ROR1: variants seen among roughly 807,000 people sequenced by gnomAD.
ROR1 encodes ROR family WNT receptor 1.
A neutral mutation model predicts 78.8 loss-of-function variants in ROR1; 19 were observed. The ratio of observed to expected loss-of-function variants is 0.24; its 90% confidence interval spans 0.17 to 0.35. The LOEUF (loss-of-function observed/expected upper bound fraction) is 0.35, where lower values mean the gene tolerates loss of function less well. Among genes scored for constraint, ROR1 ranks in the 10% least tolerant of loss-of-function variants. The pLI is 1.00. For missense variants in ROR1, 917 were observed against 1,177.8 expected (o/e 0.78, Z 3.24); for synonymous variants, 386 against 433.6 (o/e 0.89, Z 1.36).
intron 7 of ROR1, among the ~76,000 whole-genome samples, chr1:64,147,444 T>C (rs1159473486): frequency 3.3e-5 from 5 of 152,092 alleles, no homozygotes; most frequent in African/African-American, 1.2e-4. Context: ...AATATATCCA[T>C]TAAAGGAACA....
chr1:63,857,612 A>T (rs1645156825), intron 1 of ROR1, among the ~76,000 whole-genome samples: 1 of 152,202 alleles, frequency 6.6e-6, no homozygotes, highest in African/African-American at 2.4e-5. Context: ...GAGCACATAA[A>T]AGTGTTTTCT....
chr1:63,956,007 A>T (rs1367345808), intron 1 of ROR1, among the ~76,000 whole-genome samples: 1 of 152,046 alleles, frequency 6.6e-6, no homozygotes, highest in African/African-American at 2.4e-5. Flanking sequence ...GCACCTGGTG[A>T]CTCGCTCTGC....
chr1:63,884,733 T>C (rs1341723793), intron 1 of ROR1, among the ~76,000 whole-genome samples: 1 of 152,138 alleles, frequency 6.6e-6, no homozygotes, highest in East Asian at 1.9e-4. Context: ...CAGGGGATTA[T>C]ACAAATTAAC....
chr1:64,137,639 C>T, intron 5 of ROR1, 143 bp downstream of exon 5: 1 of 681,438 alleles, frequency 1.5e-6, no homozygotes, highest in African/African-American at 1.8e-5. Context: ...GAGACATGAT[C>T]TCTGTGCTCT....
At chr1:64,090,183 A>C (rs1386750829) in intron 4 of ROR1, among the ~76,000 whole-genome samples, 1 of 152,214 alleles carries the variant, frequency 6.6e-6, no homozygotes, top group Non-Finnish European at 1.5e-5. Context: ...ATTGAAGAGA[A>C]AAAGCCTATT....
chr1:64,021,980 A>C (rs1308102135), intron 2 of ROR1, among the ~76,000 whole-genome samples: 1 of 152,220 alleles, frequency 6.6e-6, no homozygotes, highest in Non-Finnish European at 1.5e-5. Context: ...TAGCCAAAAG[A>C]TGGAAGCAGC....
At chr1:63,921,316 C>T (rs1293620071) in intron 1 of ROR1, among the ~76,000 whole-genome samples, 2 of 152,086 alleles carry the variant, frequency 1.3e-5, no homozygotes, top group Admixed American at 6.5e-5. Flanking sequence ...GTGGTGGAGC[C>T]TGCGAGTTTG....
At chr1:63,902,315 A>G (rs867830341) in intron 1 of ROR1, among the ~76,000 whole-genome samples, 7 of 152,018 alleles carry the variant, frequency 4.6e-5, no homozygotes, top group Admixed American at 4.6e-4. Flanking sequence ...CTAGTAGACA[A>G]TAACAGACCT....
At chr1:64,004,739 T>A (rs953689889) in intron 1 of ROR1, among the ~76,000 whole-genome samples, 1 of 152,176 alleles carries the variant, frequency 6.6e-6, no homozygotes, top group Non-Finnish European at 1.5e-5. Context: ...CACAGGCTTT[T>A]ATCAATGAGG....
At chr1:63,976,155 A>G (rs1346880355) in intron 1 of ROR1, among the ~76,000 whole-genome samples, 1 of 152,220 alleles carries the variant, frequency 6.6e-6, no homozygotes, top group Non-Finnish European at 1.5e-5. Context: ...ACTAGTGGTA[A>G]AGCTAGCAAA....
At chr1:64,144,960 A>G (rs1649435608) in intron 7 of ROR1, among the ~76,000 whole-genome samples, 1 of 152,216 alleles carries the variant, frequency 6.6e-6, no homozygotes, top group African/African-American at 2.4e-5. Context: ...TCTTATCAGT[A>G]AAATGAGAAA....
chr1:64,132,760 C>CAA (rs749607703), intron 4 of ROR1, among the ~76,000 whole-genome samples: 781 of 69,808 alleles, frequency 0.011, 29 homozygotes, highest in East Asian at 0.027. Context: ...GACTCCATCT[C>CAA]AAAAAAAAAA....
chr1:63,896,883 A>C (rs984478687), intron 1 of ROR1, among the ~76,000 whole-genome samples: 1 of 152,184 alleles, frequency 6.6e-6, no homozygotes, highest in African/African-American at 2.4e-5. Context: ...CTGACTCTCT[A>C]TTAATTATTA....
intron 1 of ROR1, among the ~76,000 whole-genome samples, chr1:63,991,218 T>C (rs1232010902): frequency 1.3e-5 from 2 of 152,170 alleles, no homozygotes; most frequent in African/African-American, 4.8e-5. Flanking sequence ...CCCAAAGTGC[T>C]AGAATTATAG....
chr1:63,882,197 G>C (rs1369541179), intron 1 of ROR1, among the ~76,000 whole-genome samples: 2 of 152,172 alleles, frequency 1.3e-5, no homozygotes, highest in Non-Finnish European at 2.9e-5. Flanking sequence ...GCAAGCAATG[G>C]TAGGATGTGT....
At chr1:63,834,552 G>A (rs1045791263) in intron 1 of ROR1, among the ~76,000 whole-genome samples, 3 of 152,146 alleles carry the variant, frequency 2.0e-5, no homozygotes, top group Non-Finnish European at 2.9e-5. Flanking sequence ...CTGATGCTTT[G>A]ACAATTAATG....
intron 1 of ROR1, among the ~76,000 whole-genome samples, chr1:63,933,533 C>T (rs1645770616): frequency 6.6e-6 from 1 of 152,218 alleles, no homozygotes; most frequent in Non-Finnish European, 1.5e-5. Flanking sequence ...CGTAAGTTTT[C>T]TAACTCCATC....
chr1:63,813,210 G>A (rs945408433), intron 1 of ROR1, among the ~76,000 whole-genome samples: 2 of 152,124 alleles, frequency 1.3e-5, no homozygotes, highest in Non-Finnish European at 2.9e-5. Context: ...AAACTAAATG[G>A]GGGAGCATGT....
chr1:63,781,239 G>A (rs1644649813), intron 1 of ROR1, among the ~76,000 whole-genome samples: 2 of 152,190 alleles, frequency 1.3e-5, no homozygotes, highest in African/African-American at 2.4e-5. Flanking sequence ...CTCAAGGAGA[G>A]AGGAGAAAAA....
Sources: gnomAD v4.1 joint callset for allele counts (sites outside exome capture counted in the v4.1 genomes callset) on GRCh38, gnomAD v4.1.1 for gene constraint, MANE v1.5 for transcripts, NCBI Gene and HGNC (gene_info 2026-07-23, HGNC 2026-07-21) for gene names.